SLC9A8: variants seen among roughly 807,000 people sequenced by gnomAD.
SLC9A8 encodes sodium/hydrogen exchanger 8.
A neutral mutation model predicts 66.6 loss-of-function variants in SLC9A8; 48 were observed. The observed-to-expected ratio is 0.72, with a 90% CI of 0.57 to 0.92. The LOEUF is 0.92. Ranked by LOEUF, SLC9A8 falls within the 40% of genes least tolerant of loss-of-function variation. The pLI, the probability that SLC9A8 is intolerant of heterozygous loss-of-function variation, is 0.00. For synonymous variants in SLC9A8, 274 were observed against 282.6 expected, an observed-to-expected ratio of 0.97 and a Z score of 0.31; for missense variants, 599 against 747.3, an observed-to-expected ratio of 0.80 and a Z score of 2.31.
chr20:49,845,653 C>T (rs937885805), intron 5 of SLC9A8, among the ~76,000 whole-genome samples: 1 of 152,140 alleles, frequency 6.6e-6, no homozygotes, highest in Non-Finnish European at 1.5e-5. Flanking sequence ...CTCGCCCACT[C>T]CCTGGTCCAG....
intron 10 of SLC9A8, among the ~76,000 whole-genome samples, chr20:49,868,934 C>A (rs1033862846): frequency 6.6e-6 from 1 of 152,188 alleles, no homozygotes; most frequent in African/African-American, 2.4e-5. Context: ...CAAACAGTCT[C>A]CCTAATTATA....
chr20:49,849,499 G>A (rs978452534), intron 5 of SLC9A8, 80 bp from the exon 6 acceptor site: 1 of 1,056,044 alleles, frequency 9.5e-7, no homozygotes. Context: ...TCTGCACGGA[G>A]GGCCAGGTGT....
chr20:49,886,667 G>A lies in SLC9A8; in HGVS notation c.1492-85G>A, dbSNP rs1014510205. ...TGGAGTTAGGGTTGGGGACACTGGC[G>A]GCCTGGGTGGTGTGGGGGCTTCCAG... is the stretch of plus-strand genomic sequence containing the variant. On this transcript the variant is annotated intron_variant, in intron 14 of 15. Coordinates refer to ENST00000361573, the MANE Select transcript of SLC9A8 (RefSeq NM_015266.3). This position sits in a 1 kb window ranked among gnomAD's most constrained non-coding sequence, Gnocchi z 4.8. The A allele has an allele frequency of 3.2e-5, 48 of 1,503,890 alleles. No individual in the cohort carries two copies. In the East Asian group the frequency reaches 5.7e-4, roughly 18 times the overall value. The allele number at this position is 1,503,890 out of a possible 1,614,324, so 93.2% of individuals were successfully genotyped here. A position where few individuals can be genotyped will look rare whatever the true frequency, so the allele number is the denominator to read the frequency against.
At chr20:49,828,061 C>T (rs2086985798) in intron 3 of SLC9A8, among the ~76,000 whole-genome samples, 1 of 146,520 alleles carries the variant, frequency 6.8e-6, no homozygotes, top group Non-Finnish European at 1.5e-5. Flanking sequence ...CCCGTACCCC[C>T]ACCAAAAAAA....
At chr20:49,830,736 A>G (rs761684624) in intron 3 of SLC9A8, 11 of 728,956 alleles carry the variant, frequency 1.5e-5, no homozygotes, top group African/African-American at 3.6e-5. Flanking sequence ...AGCCAAGATG[A>G]TGCTGATTGT....
intron 3 of SLC9A8, among the ~76,000 whole-genome samples, chr20:49,836,941 G>A (rs2087560311): frequency 6.6e-6 from 1 of 152,096 alleles, no homozygotes; most frequent in Admixed American, 6.6e-5. Context: ...AGCTGCTTAG[G>A]ACAAACCTGC....
chr20:49,844,970 A>T (rs1032533215), intron 4 of SLC9A8, 66 bp from the exon 5 acceptor site: 9 of 1,169,408 alleles, frequency 7.7e-6, no homozygotes, highest in African/African-American at 3.0e-5. Context: ...TTGGCTCTTT[A>T]TTGATTAATT....
chr20:49,841,188 C>T (rs1484577649), intron 4 of SLC9A8, among the ~76,000 whole-genome samples: 1 of 151,962 alleles, frequency 6.6e-6, no homozygotes, highest in African/African-American at 2.4e-5. Flanking sequence ...CACCTGTAGT[C>T]CCAGCTACTT....
chr20:49,830,339 G>A (rs1420569316), intron 3 of SLC9A8: 3 of 965,032 alleles, frequency 3.1e-6, no homozygotes, highest in East Asian at 4.8e-5. Flanking sequence ...AACGTGATTT[G>A]TTCATCTAGG....
At position 49,849,685 on chromosome 20, in the gene SLC9A8, GA is replaced by G; in HGVS notation, c.534+9del. 6.3e-7 allele frequency: 1 copy of G among 1,598,062 alleles called. No individual in the cohort carries two copies. The highest frequency in any genetic ancestry group is 8.6e-7 in the Non-Finnish European group (1 of 1,165,462). ...GGAATTTATTTTCTGGGTCAGGTAA[GA>G]AAATCATCTTTGAAACACTTTGAAA... On this transcript the variant is annotated splice_donor_region_variant and intron_variant, in intron 6 of 15. Coordinates refer to ENST00000361573, the MANE Select transcript of SLC9A8 (RefSeq NM_015266.3).
chr20:49,833,293 G>GTAATT (rs1422091853), intron 3 of SLC9A8, among the ~76,000 whole-genome samples: 34 of 152,144 alleles, frequency 2.2e-4, no homozygotes, highest in Non-Finnish European at 2.5e-4. Flanking sequence ...CCTTTAAATG[G>GTAATT]CAAATCTAGG....
intron 3 of SLC9A8, chr20:49,829,540 T>C: frequency 3.6e-6 from 1 of 280,696 alleles, no homozygotes; most frequent in South Asian, 3.5e-5. Flanking sequence ...AAAAAGAACC[T>C]CATGGAAAGA....
rs2146475472 is a variant in SLC9A8, at chr20:49,824,625, G to C, written c.289+1484G>C. Among the ~76,000 whole-genome samples the C allele has an allele frequency of 1.3e-5, 2 of 152,246 alleles. 1 individual carries two copies. Among genetic ancestry groups the C allele is most frequent in the Non-Finnish European group, 2.9e-5 (2 of 68,012 alleles). On this transcript the variant is annotated intron_variant, in intron 3 of 15. Transcript: ENST00000361573. ...GAATTTCAAGCTCCTCATGTTTCTTGAATGTCTGGGTAACTGCAGCTTGCT... is the reference window on the plus strand; with the variant it reads ...GAATTTCAAGCTCCTCATGTTTCTTCAATGTCTGGGTAACTGCAGCTTGCT...
intron 15 of SLC9A8, among the ~76,000 whole-genome samples, chr20:49,887,100 G>T (rs754692585): frequency 9.2e-5 from 14 of 152,234 alleles, no homozygotes; most frequent in Non-Finnish European, 1.8e-4. Context: ...GCCACATTTA[G>T]TGCGAGGTTA....
Position 49,886,682 on chromosome 20 carries a change from G to A in SLC9A8, c.1492-70G>A. 5 of 1,564,134 alleles carry A rather than the reference G, an allele frequency of 3.2e-6. No individual in the cohort carries two copies. The highest frequency in any genetic ancestry group is 4.3e-6 in the Non-Finnish European group (5 of 1,150,264). ...GGACACTGGCGGCCTGGGTGGTGTG[G>A]GGGCTTCCAGGAGGTGCCCCCCGAT... is the stretch of plus-strand genomic sequence containing the variant. On this transcript the variant is annotated intron_variant, in intron 14 of 15. Coordinates refer to ENST00000361573, the MANE Select transcript of SLC9A8 (RefSeq NM_015266.3). The surrounding 1 kb of genome is among the most constrained non-coding windows in gnomAD (Gnocchi z 4.8).
intron 3 of SLC9A8, chr20:49,829,921 C>G (rs1330790889): frequency 1.4e-5 from 8 of 580,316 alleles, no homozygotes; most frequent in Non-Finnish European, 2.7e-5. Flanking sequence ...TGAAAAGAAT[C>G]CAAGAGCAAA....
At chr20:49,826,753 CAGTT>C (rs1268389465) in intron 3 of SLC9A8, among the ~76,000 whole-genome samples, 6 of 152,250 alleles carry the variant, frequency 3.9e-5, no homozygotes, top group Admixed American at 3.9e-4. Context: ...TTCTTTTGCA[CAGTT>C]AAACAACTAC....
At chr20:49,814,002 T>C (rs887328878) in intron 1 of SLC9A8, among the ~76,000 whole-genome samples, 1 of 152,218 alleles carries the variant, frequency 6.6e-6, no homozygotes, top group Non-Finnish European at 1.5e-5. Context: ...GGAATGAGTA[T>C]GTGAAGATGA....
chr20:49,817,573 A>G, intron 2 of SLC9A8, among the ~76,000 whole-genome samples: 1 of 151,870 alleles, frequency 6.6e-6, no homozygotes, highest in East Asian at 1.9e-4. Context: ...TTAATAATAC[A>G]CTTGAGGCCA....
Sources: allele counts gnomAD v4.1 joint callset (sites outside exome capture counted in the v4.1 genomes callset), GRCh38; gene constraint gnomAD v4.1.1; non-coding constraint Gnocchi (gnomAD v3.1); transcripts MANE v1.5; gene names NCBI Gene and HGNC (gene_info 2026-07-23, HGNC 2026-07-21).